Variants in CACNA1F observed in about 807,000 individuals in gnomAD.
CACNA1F encodes voltage-dependent L-type calcium channel subunit alpha-1F.
CACNA1F carries 59 observed loss-of-function variants against 143.8 expected under a neutral mutation model. The ratio of observed to expected loss-of-function variants is 0.41; its 90% CI spans 0.33 to 0.51. The LOEUF is 0.51. Among genes scored for constraint, CACNA1F ranks in the 20% least tolerant of loss-of-function variants. CACNA1F has a pLI of 0.22. For synonymous variants in CACNA1F, 643 were observed against 649.1 expected, an observed-to-expected ratio of 0.99 and a Z score of 0.14; for missense variants, 1,411 against 1,647.5, an observed-to-expected ratio of 0.86 and a Z score of 2.48.
At chrX:49,233,143 G>A in intron 1 of CACNA1F, 142 bp downstream of exon 1, 2 of 598,803 alleles carry the variant, frequency 3.3e-6, no homozygotes, top group Non-Finnish European at 2.8e-6. Flanking sequence ...AGGCTGTTTG[G>A]GGCTGGCTGG....
rs150889699 is a variant in CACNA1F, at chrX:49,206,587, C to T, written c.5396G>A (p.Arg1799His). 29 of 1,207,748 alleles carry T rather than the reference C, an allele frequency of 2.4e-5. No individual in the cohort carries two copies. Among genetic ancestry groups the T allele is most frequent in the East Asian group, 8.9e-5 (3 of 33,720 alleles). ...KPSFTIQCLQ[R>H]QGSCEDLPIP... ...GGGTAAATCCTCACAACTGCCCTGG[C>T]GCTGCAGACACTGGATGGTGAAGGA... is the stretch of plus-strand genomic sequence containing the variant. The change falls in exon 46 of 48, where the codon CGC becomes CAC. Residue 1799 changes from arginine to histidine, a missense_variant. Arg to His is a conservative substitution (Grantham distance 29, BLOSUM62 0). Around this residue, in one of 3 missense-constraint regions of CACNA1F, gnomAD observed 349 missense variants for 350.2 expected, o/e 1.00. Transcript: ENST00000323022.
chrX:49,216,381 C>T lies in CACNA1F; in HGVS notation c.3236+1G>A, dbSNP rs1064797371. ...GATAAACCCAGGGCCCTGTCCCTCACGCAGGCCAGCCTTCAAAGGTGGAGA... is the reference window on the plus strand; with the variant it reads ...GATAAACCCAGGGCCCTGTCCCTCATGCAGGCCAGCCTTCAAAGGTGGAGA... On this transcript the variant is annotated splice_donor_variant, in intron 27 of 47. Coordinates refer to ENST00000323022, the MANE Select transcript of CACNA1F (RefSeq NM_001256789.3). LOFTEE classifies it high-confidence loss of function. 8.3e-7 allele frequency: 1 copy of T among 1,210,661 alleles called. No individual in the cohort carries two copies. Among genetic ancestry groups the T allele is most frequent in the Non-Finnish European group, 1.1e-6 (1 of 894,497 alleles).
At position 49,210,350 on chromosome X, in the gene CACNA1F, G is replaced by A. The variant is rs1557105900; in HGVS notation, c.4539C>T (p.Asn1513=). ...TCCGGACCAGGGCAAAGAGTGTGGC[G>A]TTGAATGTCACCGTCCCATCTGAGT... ...PLNSDGTVTF[N]ATLFALVRTS... The change falls in exon 39 of 48, where the codon AAC becomes AAT. Residue 1513 remains asparagine (N), a synonymous_variant. Coordinates refer to ENST00000323022, the MANE Select transcript of CACNA1F (RefSeq NM_001256789.3). 7.5e-6 allele frequency: 9 copies of A among 1,206,962 alleles called. No homozygotes were observed. The highest frequency in any genetic ancestry group is 2.3e-4 in the Middle Eastern group (1 of 4,358).
chrX:49,226,223 C>G lies in CACNA1F; in HGVS notation c.1484G>C (p.Arg495Thr). The change falls in exon 12 of 48, where the codon AGA (arginine) becomes ACA (threonine). Residue 495 changes from arginine to threonine, a missense_variant. Arg to Thr is a moderately conservative substitution (Grantham distance 71, BLOSUM62 -1). This residue lies in a region of CACNA1F where 950 missense variants were observed against 1,128.1 expected (regional missense o/e 0.84). Coordinates refer to ENST00000323022, the MANE Select transcript of CACNA1F (RefSeq NM_001256789.3). Reference protein sequence around the residue: ...TRCLNKIMKTRVCRRLRRANR... With the variant: ...TRCLNKIMKTTVCRRLRRANR... ...CACAACTTTCCCAACTCACCAGACT[C>G]TGGTTTTCATGATCTTGTTTCTGAA... The G allele has an allele frequency of 8.3e-7, 1 of 1,208,428 alleles. No homozygotes were observed. The highest frequency in any genetic ancestry group is 1.1e-6 in the Non-Finnish European group (1 of 892,561).
chrX:49,211,291 G>C, intron 36 of CACNA1F, 31 bp downstream of exon 36: 2 of 1,204,782 alleles, frequency 1.7e-6, no homozygotes, highest in Non-Finnish European at 2.2e-6. Flanking sequence ...CCCCGTGACG[G>C]TGGTGGTGGT....
intron 47 of CACNA1F, 89 bp downstream of exon 47, chrX:49,205,527 G>A: frequency 1.0e-6 from 1 of 954,158 alleles, no homozygotes; most frequent in Non-Finnish European, 1.5e-6. Flanking sequence ...GCACAACACA[G>A]GACCTGGGGA....
In CACNA1F at chrX:49,220,475, G is replaced by T; in HGVS notation, c.2384C>A (p.Ala795Glu). Residue 795 changes from alanine to glutamate, a missense_variant and splice_region_variant, in exon 19 of 48, where the codon GCA becomes GAA. Around this residue, in one of 3 missense-constraint regions of CACNA1F, gnomAD observed 950 missense variants for 1,128.1 expected, o/e 0.84. Transcript: ENST00000323022. ...TCCACCTGGCCCTGCCCACTTGCCT[G>T]CTCCTTCCCTCCTTGCACCCTCCTC... ...EEEEGARREG[A>E]DMEEEEEEEE... 8.3e-7 allele frequency: 1 copy of T among 1,206,823 alleles called. No homozygotes were observed. The highest frequency in any genetic ancestry group is 1.1e-6 in the Non-Finnish European group (1 of 891,901).
chrX:49,206,503 A>C lies in CACNA1F; in HGVS notation c.5472+8T>G. ...CCCCAGACCCCAGCACCACCTCCACAGCCTCACCTGAGCCCTATTGGGCCC... is the reference window on the plus strand; with the variant it reads ...CCCCAGACCCCAGCACCACCTCCACCGCCTCACCTGAGCCCTATTGGGCCC... On this transcript the variant is annotated splice_region_variant and intron_variant, in intron 46 of 47. Transcript: ENST00000323022. 1 of 1,169,520 alleles carries C rather than the reference A, an allele frequency of 8.6e-7. No individual in the cohort carries two copies. Among genetic ancestry groups the C allele is most frequent in the Non-Finnish European group, 1.2e-6 (1 of 859,482 alleles).
chrX:49,229,339 T>C (rs2065855004), intron 6 of CACNA1F, among the ~76,000 whole-genome samples: 1 of 111,255 alleles, frequency 9.0e-6, no homozygotes, highest in Non-Finnish European at 1.9e-5. Flanking sequence ...GTATTTTTAG[T>C]AGAGATGGGG....
intron 29 of CACNA1F, among the ~76,000 whole-genome samples, 194 bp downstream of exon 29, chrX:49,214,892 C>T (rs782744060): frequency 1.8e-5 from 2 of 110,422 alleles, no homozygotes; most frequent in South Asian, 7.8e-4. Context: ...CTTACATCTC[C>T]GAAATCAGAA....
In CACNA1F at chrX:49,212,712, A is replaced by G. The variant is rs782188119; in HGVS notation, c.3897T>C (p.Gly1299=). Residue 1299 remains glycine, a synonymous_variant, in exon 33 of 48, where the codon GGT becomes GGC. Transcript: ENST00000323022. ...VMRLVKLLSK[G]EGIRTLLWTF... ...TCCAGAGCAATGTGCGGATCCCTTC[A>G]CCCTTACTGAGAAGCTTGACCAGCC... 1.7e-6 allele frequency: 2 copies of G among 1,208,311 alleles called. No individual in the cohort carries two copies.
chrX:49,206,422 G>T, intron 46 of CACNA1F, 89 bp downstream of exon 46: 1 of 423,666 alleles, frequency 2.4e-6, no homozygotes, highest in South Asian at 3.5e-5. Flanking sequence ...AAAAAAAAGG[G>T]CCTGATATGT....
At chrX:49,225,546 G>A (rs1463531841) in intron 13 of CACNA1F, among the ~76,000 whole-genome samples, 2 of 111,313 alleles carry the variant, frequency 1.8e-5, no homozygotes, top group African/African-American at 6.5e-5. Flanking sequence ...CTGGAGCCAG[G>A]CTGCCTGGGT....
intron 15 of CACNA1F, 40 bp downstream of exon 15, chrX:49,222,889 G>A (rs782249275): frequency 1.5e-5 from 18 of 1,207,594 alleles, no homozygotes; most frequent in Non-Finnish European, 2.0e-5. Context: ...CAACTCCAGG[G>A]TCTCCCCGAC....
At chrX:49,206,453 C>T (rs1557104882) in intron 46 of CACNA1F, 58 bp downstream of exon 46, 2 of 720,798 alleles carry the variant, frequency 2.8e-6, no homozygotes, top group Admixed American at 4.6e-5. Context: ...AGAAATTCAG[C>T]CTAGGCTGCC....
chrX:49,226,760 G>A (rs183061700), intron 9 of CACNA1F, 58 bp from the exon 10 acceptor site: 576 of 1,038,230 alleles, frequency 5.5e-4, no homozygotes, highest in Non-Finnish European at 5.0e-4. Context: ...TTAGGGCCAT[G>A]TCTAGGGTAG....
chrX:49,227,156 G>T, intron 8 of CACNA1F, 29 bp from the exon 9 acceptor site: 1 of 1,115,084 alleles, frequency 9.0e-7, no homozygotes, highest in Non-Finnish European at 1.2e-6. Context: ...GGGCTAGGGG[G>T]AGGAGCCAAT....
At chrX:49,209,849 C>T (rs2065638345) in intron 40 of CACNA1F, 90 bp from the exon 41 acceptor site, 3 of 1,154,045 alleles carry the variant, frequency 2.6e-6, no homozygotes, top group Non-Finnish European at 2.4e-6. Context: ...ATGGACTTCC[C>T]CTCGCCCTCT....
At position 49,218,868 on chromosome X, in the gene CACNA1F, G is replaced by T; in HGVS notation, c.2733+14C>A. The T allele has an allele frequency of 8.4e-7, 1 of 1,187,049 alleles. No individual in the cohort carries two copies. Among genetic ancestry groups the T allele is most frequent in the African/African-American group, 1.8e-5 (1 of 57,106 alleles). On this transcript the variant is annotated intron_variant, in intron 22 of 47. Coordinates refer to ENST00000323022, the MANE Select transcript of CACNA1F (RefSeq NM_001256789.3). ...CAGGGCAACTGAGGGTAGGACTGGG[G>T]TCCCATTAGTCACCTTTAGTAGAAT...
Sources: allele counts gnomAD v4.1 joint callset (sites outside exome capture counted in the v4.1 genomes callset), GRCh38; gene constraint gnomAD v4.1.1; regional missense constraint gnomAD v4.1.1; transcripts MANE v1.5; gene names NCBI Gene and HGNC (gene_info 2026-07-23, HGNC 2026-07-21).